The following FAM111B variants were observed in gnomAD, a reference collection of about 807,000 sequenced individuals.
FAM111B encodes the protein serine protease FAM111B.
Under a neutral mutation model 2.8 loss-of-function variants are expected in FAM111B, and 1 was observed. The observed-to-expected ratio is 0.36, with a 90% CI of 0.13 to 1.70. The LOEUF is 1.70. Ranked by LOEUF, FAM111B falls within the 40% of genes most tolerant of loss-of-function variation. The probability of loss-of-function intolerance (pLI) is 0.35; values close to 1 mark genes in which losing one functional copy is unlikely to be tolerated. For synonymous variants in FAM111B, 297 were observed against 295.6 expected, an observed-to-expected ratio of 1.00 and a Z score of -0.05; for missense variants, 882 against 878.9, an observed-to-expected ratio of 1.00 and a Z score of -0.04.
chr11:59,116,021 C>T (rs1014688658), intron 3 of FAM111B, among the ~76,000 whole-genome samples: 7 of 152,282 alleles, frequency 4.6e-5, no homozygotes, highest in African/African-American at 1.7e-4. Flanking sequence ...GCATTATCTG[C>T]CTCTTTGGCT....
rs552540278 is a variant in FAM111B at position 59,109,557 on chromosome 11, A to T, written c.-69A>T. The stretch of plus-strand genomic sequence containing the variant: ...TTTTTTAGACATTTCAGGTGGCAGA[A>T]TAAATTCAATCCTTGTTTCTCCATC... On this transcript the variant is annotated 5_prime_UTR_variant, in exon 3 of 4. Coordinates refer to ENST00000343597, the MANE Select transcript of FAM111B (RefSeq NM_198947.4). 1 of 1,157,730 alleles carries T rather than the reference A, an allele frequency of 8.6e-7. No individual in the cohort carries two copies. Among genetic ancestry groups the T allele is most frequent in the African/African-American group, 1.6e-5 (1 of 64,128 alleles). The allele number at this position is 1,157,730 out of a possible 1,614,324, so 71.7% of individuals were successfully genotyped here.
chr11:59,115,362 C>T (rs1416580216), intron 3 of FAM111B, among the ~76,000 whole-genome samples: 1 of 152,180 alleles, frequency 6.6e-6, no homozygotes, highest in East Asian at 1.9e-4. Context: ...CTTTTAACAC[C>T]TGCAGGTCCC....
chr11:59,124,925 G>A lies in FAM111B; in HGVS notation c.828G>A (p.Gln276=), dbSNP rs1859992759. The A allele has an allele frequency of 6.2e-7, 1 of 1,604,674 alleles. No homozygotes were observed. Among genetic ancestry groups the A allele is most frequent in the South Asian group, 1.1e-5 (1 of 88,462 alleles). Residue 276 remains glutamine (Q), a synonymous_variant, in exon 4 of 4, where the codon CAG becomes CAA. Coordinates refer to ENST00000343597, the MANE Select transcript of FAM111B (RefSeq NM_198947.4). The part of the protein sequence containing the change: ...MDISKKKALQ[Q]KDIHKKIKQN... ...TTTCAAAAAAAAAAGCATTACAACA[G>A]AAAGATATCCATAAAAAAATTAAAC...
intron 3 of FAM111B, 85 bp downstream of exon 3, chr11:59,109,791 C>G (rs1285652725): frequency 1.2e-6 from 1 of 846,076 alleles, no homozygotes; most frequent in African/African-American, 1.7e-5. Flanking sequence ...AGTTCTTAAA[C>G]AATGGTCGTT....
At position 59,125,323 on chromosome 11, in the gene FAM111B, C is replaced by T; in HGVS notation, c.1226C>T (p.Ala409Val). 1 of 1,613,920 alleles carries T rather than the reference C, an allele frequency of 6.2e-7. No individual in the cohort carries two copies. The highest frequency in any genetic ancestry group is 1.1e-5 in the South Asian group (1 of 91,070). Residue 409 changes from alanine to valine, a missense_variant, in exon 4 of 4, where the codon GCA becomes GTA. Physicochemically the swap from Ala to Val is moderately conservative, Grantham distance 64. Transcript: ENST00000343597. ...CAGTATCCGAATTTTAAAGAGGAGG[C>T]ACAGTGGGTAAGAAAATATTTTCGG... ...MHQYPNFKEE[A>V]QWVRKYFREE...
chr11:59,123,481 C>T (rs2135403080), intron 3 of FAM111B, among the ~76,000 whole-genome samples: 1 of 152,234 alleles, frequency 6.6e-6, no homozygotes, highest in South Asian at 2.1e-4. Flanking sequence ...TTTACATCCT[C>T]AGTTGCGGTA....
intron 3 of FAM111B, among the ~76,000 whole-genome samples, chr11:59,123,948 A>T (rs891303077): frequency 2.6e-5 from 4 of 152,164 alleles, no homozygotes; most frequent in African/African-American, 9.6e-5. Flanking sequence ...TACTACTTTT[A>T]AGAATCAGAA....
chr11:59,120,696 T>C (rs1859907385), intron 3 of FAM111B, among the ~76,000 whole-genome samples: 1 of 152,238 alleles, frequency 6.6e-6, no homozygotes, highest in Admixed American at 6.5e-5. Context: ...TGTATGTCTA[T>C]GTCTGTATTT....
At chr11:59,107,944 A>G (rs193176007) in intron 1 of FAM111B, among the ~76,000 whole-genome samples, 1 of 152,306 alleles carries the variant, frequency 6.6e-6, no homozygotes, top group Non-Finnish European at 1.5e-5. Flanking sequence ...GTAAGCAAGC[A>G]CAGCTTCAAG....
In FAM111B at chr11:59,125,414, A is replaced by G. The variant is rs773774347; in HGVS notation, c.1317A>G (p.Gly439=). 1 of 1,613,966 alleles carries G rather than the reference A, an allele frequency of 6.2e-7. No individual in the cohort carries two copies. The highest frequency in any genetic ancestry group is 1.7e-5 in the Admixed American group (1 of 60,014). Residue 439 remains glycine, a synonymous_variant, in exon 4 of 4, where the codon GGA becomes GGG. Transcript: ENST00000343597. ...TCAACATATATAAAAAGGACTTCGG[A>G]AAAATGACTGCAAATTCTGTTTCAG... The part of the protein sequence containing the change: ...KQFNIYKKDF[G]KMTANSVSVA...
At chr11:59,116,042 G>A (rs1859836484) in intron 3 of FAM111B, among the ~76,000 whole-genome samples, 1 of 152,114 alleles carries the variant, frequency 6.6e-6, no homozygotes, top group Admixed American at 6.5e-5. Flanking sequence ...ATCTTGACAG[G>A]GGTTGGGCAT....
At chr11:59,119,674 C>T (rs1220283860) in intron 3 of FAM111B, among the ~76,000 whole-genome samples, 1 of 151,974 alleles carries the variant, frequency 6.6e-6, no homozygotes. Flanking sequence ...TTTTCTTAGC[C>T]AGATTAAGAG....
chr11:59,125,728 A>T lies in FAM111B; in HGVS notation c.1631A>T (p.Asp544Val). Residue 544 changes from aspartate to valine, a missense_variant, in exon 4 of 4, where the codon GAT becomes GTT. Physicochemically the swap from Asp to Val is radical, Grantham distance 152 (BLOSUM62 -3). Transcript: ENST00000343597. ...CTTAAAGTGTCCAATGAAAATCTAG[A>T]TTATGCCATTTTAAAACTAAAAGAA... ...PWLKVSNENL[D>V]YAILKLKENG... 6.2e-7 allele frequency: 1 copy of T among 1,613,792 alleles called. No individual in the cohort carries two copies. The highest frequency in any genetic ancestry group is 1.1e-5 in the South Asian group (1 of 91,068).
intron 3 of FAM111B, among the ~76,000 whole-genome samples, chr11:59,120,388 G>A (rs1242902289): frequency 2.0e-5 from 3 of 152,182 alleles, no homozygotes; most frequent in Non-Finnish European, 4.4e-5. Flanking sequence ...CCAAGGTGAT[G>A]GCATTAAGAG....
intron 3 of FAM111B, among the ~76,000 whole-genome samples, chr11:59,123,088 G>C (rs573648787): frequency 1.3e-5 from 2 of 152,160 alleles, no homozygotes; most frequent in African/African-American, 4.8e-5. Flanking sequence ...TTGTATATGA[G>C]TATTTATATT....
At position 59,109,599 on chromosome 11, in the gene FAM111B, G is replaced by A; in HGVS notation, c.-27G>A. 6.8e-7 allele frequency: 1 copy of A among 1,474,636 alleles called. No individual in the cohort carries two copies. The highest frequency in any genetic ancestry group is 9.4e-7 in the Non-Finnish European group (1 of 1,069,292). The allele number at this position is 1,474,636 out of a possible 1,614,324, so 91.3% of individuals were successfully genotyped here. A position where few individuals can be genotyped will look rare whatever the true frequency, so the allele number is the denominator to read the frequency against. On this transcript the variant is annotated 5_prime_UTR_variant, in exon 3 of 4. Coordinates refer to ENST00000343597, the MANE Select transcript of FAM111B (RefSeq NM_198947.4). Reference sequence around the variant, plus strand: ...TTCTCCATCTTATCGAGTAGTAGAAGTTAGTTACATTCTCTTTGAACTCAT... The same window carrying A: ...TTCTCCATCTTATCGAGTAGTAGAAATTAGTTACATTCTCTTTGAACTCAT...
intron 3 of FAM111B, among the ~76,000 whole-genome samples, chr11:59,114,237 A>G (rs1026989190): frequency 2.6e-5 from 4 of 152,136 alleles, no homozygotes; most frequent in Non-Finnish European, 5.9e-5. Flanking sequence ...AGCTGGGACC[A>G]AGGGGAGAGG....
chr11:59,120,635 C>T (rs576490929), intron 3 of FAM111B, among the ~76,000 whole-genome samples: 1 of 152,258 alleles, frequency 6.6e-6, no homozygotes, highest in African/African-American at 2.4e-5. Context: ...CTCTCCTTAG[C>T]TTGTAGTTGG....
intron 3 of FAM111B, among the ~76,000 whole-genome samples, chr11:59,119,964 A>T (rs2135400948): frequency 6.6e-6 from 1 of 152,320 alleles, no homozygotes; most frequent in East Asian, 1.9e-4. Context: ...TATTAGAATG[A>T]TTGTAAAGTA....
Sources: allele counts gnomAD v4.1 joint callset (sites outside exome capture counted in the v4.1 genomes callset), GRCh38; gene constraint gnomAD v4.1.1; transcripts MANE v1.5; gene names NCBI Gene and HGNC (gene_info 2026-07-23, HGNC 2026-07-21).